The following LTA4H variants were observed in gnomAD, a reference collection of about 807,000 sequenced individuals.
LTA4H encodes the protein leukotriene A4 hydrolase.
Under a neutral mutation model 89.8 loss-of-function variants are expected in LTA4H, and 59 were observed. The ratio of observed to expected loss-of-function variants is 0.66; its 90% CI spans 0.53 to 0.82. LTA4H has a LOEUF of 0.82. Ranked by LOEUF, LTA4H falls within the 40% of genes least tolerant of loss-of-function variation. The probability of loss-of-function intolerance (pLI) is 0.00; values close to 1 mark genes in which losing one functional copy is unlikely to be tolerated. For synonymous variants in LTA4H, 227 were observed against 253.1 expected, an observed-to-expected ratio of 0.90 and a Z score of 0.98; for missense variants, 617 against 727.0, an observed-to-expected ratio of 0.85 and a Z score of 1.74.
intron 11 of LTA4H, chr12:96,015,309 C>T (rs559758757): frequency 2.0e-6 from 1 of 502,278 alleles, no homozygotes; most frequent in Non-Finnish European, 3.5e-6. Context: ...AAATGACATA[C>T]CAAATAAGAT....
rs1950417683 is a variant in LTA4H, at chr12:96,018,916, C to CAT, written c.712-15_712-14dup. 1.3e-6 allele frequency: 2 copies of CAT among 1,567,600 alleles called. No homozygotes were observed. Among genetic ancestry groups the CAT allele is most frequent in the African/African-American group, 1.4e-5 (1 of 72,838 alleles). On this transcript the variant is annotated splice_polypyrimidine_tract_variant and intron_variant, in intron 7 of 18. Coordinates refer to ENST00000228740, the MANE Select transcript of LTA4H (RefSeq NM_000895.3). ...GCATAGATTCAGTCTGAAAAATCAA[C>CAT]ATATATATGTCTGTATGCCTTAATT...
At chr12:96,036,276 A>G (rs1309640921), upstream of LTA4H, among the ~76,000 whole-genome samples, 1 of 152,206 alleles carries the variant, frequency 6.6e-6, no homozygotes, top group African/African-American at 2.4e-5. Flanking sequence ...CAATGGGAGT[A>G]CAGAGCTGGG....
intron 4 of LTA4H, among the ~76,000 whole-genome samples, chr12:96,023,239 A>G (rs1950474355): frequency 6.6e-6 from 1 of 152,224 alleles, no homozygotes; most frequent in Non-Finnish European, 1.5e-5. Context: ...AACCAGTGCT[A>G]CAACAATTGT....
At position 96,014,027 on chromosome 12, in the gene LTA4H, G is replaced by A. The variant is rs79542494; in HGVS notation, c.1205-174C>T. 3,635 of 512,316 alleles carry A rather than the reference G, an allele frequency of 7.1e-3. 21 individuals are homozygous for A. Among genetic ancestry groups the A allele is most frequent in the Non-Finnish European group, 9.5e-3 (2,775 of 290,610 alleles). 31.7% of individuals were successfully genotyped at this position (512,316 alleles called of 1,614,324 possible). ...GTTCAAAAAAGGAGGTGGGACTTAA[G>A]TTGGGCCTTGAAGAATATATGTAAT... On this transcript the variant is annotated intron_variant, in intron 12 of 18. Coordinates refer to ENST00000228740, the MANE Select transcript of LTA4H (RefSeq NM_000895.3).
intron 18 of LTA4H, among the ~76,000 whole-genome samples, chr12:96,001,696 T>C (rs1042453618): frequency 2.0e-5 from 3 of 152,054 alleles, no homozygotes; most frequent in African/African-American, 7.2e-5. Context: ...AATAAATACA[T>C]AATAAATAAT....
rs756980306 is a variant in LTA4H at position 96,043,395 on chromosome 12, G to T, written c.-20C>A. 5.5e-6 allele frequency: 8 copies of T among 1,451,672 alleles called. No individual in the cohort carries two copies. The South Asian group carries it at 7.3e-5, about 13-fold the overall frequency. 89.9% of individuals were successfully genotyped at this position (1,451,672 alleles called of 1,614,324 possible). Reference sequence around the variant, plus strand: ...CAGCATGGGAGACAGATTAGAGGAGGTGTAGACAGGAGGAGAGAAAATAAA... The same window carrying T: ...CAGCATGGGAGACAGATTAGAGGAGTTGTAGACAGGAGGAGAGAAAATAAA... On this transcript the variant is annotated 5_prime_UTR_variant, in exon 1 of 18. Transcript: ENST00000413268.
Position 96,003,882 on chromosome 12 carries a change from C to T in LTA4H, c.1569G>A (p.Glu523=), listed in dbSNP as rs748418908. 17 of 1,609,752 alleles carry T rather than the reference C, an allele frequency of 1.1e-5. No homozygotes were observed. The highest frequency in any genetic ancestry group is 1.4e-5 in the Non-Finnish European group (17 of 1,177,878). Residue 523 remains glutamate (E), a synonymous_variant, in exon 17 of 19, where the codon GAG becomes GAA. Coordinates refer to ENST00000228740, the MANE Select transcript of LTA4H (RefSeq NM_000895.3). The part of the protein sequence containing the change: ...LPLGHIKRMQ[E]VYNFNAINNS... ...TGTTAATGGCATTGAAGTTGTACAC[C>T]TCTTGCATTCGCTTTATGTGCCCCA...
rs565043482 is a variant in LTA4H at position 96,022,387 on chromosome 12, A to G, written c.481-136T>C. ...CTATGAACACAAAAAGTATATACATATACAAAAAGTATATATATACACACA... is the reference window on the plus strand; with the variant it reads ...CTATGAACACAAAAAGTATATACATGTACAAAAAGTATATATATACACACA... On this transcript the variant is annotated intron_variant, in intron 4 of 18. Coordinates refer to ENST00000228740, the MANE Select transcript of LTA4H (RefSeq NM_000895.3). The surrounding 1 kb of genome is among the most constrained non-coding windows in gnomAD (Gnocchi z 4.0). The G allele has an allele frequency of 1.7e-6, 1 of 602,810 alleles. No homozygotes were observed. The highest frequency in any genetic ancestry group is 2.9e-6 in the Non-Finnish European group (1 of 343,494). The allele number at this position is 602,810 out of a possible 1,614,324, so 37.3% of individuals were successfully genotyped here.
At position 96,014,780 on chromosome 12, in the gene LTA4H, A is replaced by G. The variant is rs182297321; in HGVS notation, c.1204+75T>C. ...TGGAAGTATTAAATGGAACAAAACA[A>G]TAGTTTACAATTCTTCCTAATTCTC... On this transcript the variant is annotated intron_variant, in intron 12 of 18. Transcript: ENST00000228740. 1.1e-3 allele frequency: 1,476 copies of G among 1,363,760 alleles called. 16 individuals carry two copies. In the African/African-American group the frequency reaches 0.017, roughly 16 times the overall value. 84.5% of individuals were successfully genotyped at this position (1,363,760 alleles called of 1,614,324 possible).
At chr12:96,020,963 T>G in intron 6 of LTA4H, 122 bp downstream of exon 6, 2 of 746,490 alleles carry the variant, frequency 2.7e-6, no homozygotes, top group Non-Finnish European at 4.5e-6. Context: ...TGAATTTTTC[T>G]AGAGCTGTCA....
chr12:96,029,760 G>A lies in LTA4H; in HGVS notation c.160-575C>T, dbSNP rs139812861. 2.7e-4 allele frequency among the ~76,000 whole-genome samples: 41 copies of A among 152,260 alleles called. No individual in the cohort carries two copies. In the East Asian group the frequency reaches 7.0e-3, roughly 26 times the overall value. Reference sequence around the variant, plus strand: ...ACAACTGCTTTGGGCATGAAGGAGTGACATCAAGTGTCAGAGTATTTTCTA... The same window carrying A: ...ACAACTGCTTTGGGCATGAAGGAGTAACATCAAGTGTCAGAGTATTTTCTA... On this transcript the variant is annotated intron_variant, in intron 1 of 18. Coordinates refer to ENST00000228740, the MANE Select transcript of LTA4H (RefSeq NM_000895.3).
chr12:96,028,220 G>C (rs1383793889), intron 2 of LTA4H, among the ~76,000 whole-genome samples: 1 of 152,172 alleles, frequency 6.6e-6, no homozygotes, highest in Non-Finnish European at 1.5e-5. Context: ...GAGGTTTAGA[G>C]ACCAGCAGCC....
chr12:96,017,823 T>A (rs999604688), intron 8 of LTA4H, among the ~76,000 whole-genome samples: 1 of 152,234 alleles, frequency 6.6e-6, no homozygotes, highest in Non-Finnish European at 1.5e-5. Context: ...AGCCAGTCTA[T>A]TTGTGTCTAA....
chr12:96,009,891 G>C (rs898214518), intron 14 of LTA4H: 3 of 152,198 alleles, frequency 2.0e-5, no homozygotes, highest in African/African-American at 4.8e-5. Flanking sequence ...AATGAAGTAA[G>C]TTTTGATTAG....
intron 6 of LTA4H, among the ~76,000 whole-genome samples, chr12:96,019,585 AT>A (rs755971682): frequency 0.051 from 5,060 of 99,320 alleles, 28 homozygotes; most frequent in African/African-American, 0.068. Context: ...ATAAGAAACT[AT>A]TTTTTTTTTT....
intron 18 of LTA4H, among the ~76,000 whole-genome samples, chr12:96,002,250 T>C (rs1950116985): frequency 6.6e-6 from 1 of 152,222 alleles, no homozygotes; most frequent in Non-Finnish European, 1.5e-5. Context: ...TAAAATATAC[T>C]TAAAACTTAA....
At chr12:96,035,748 C>A, upstream of LTA4H, 1 of 1,132,628 alleles carries the variant, frequency 8.8e-7, no homozygotes, top group South Asian at 2.0e-5. Flanking sequence ...TACCTGGGAG[C>A]GTGTGTGTTA....
At chr12:96,041,186 A>G (rs1012719160) in intron 1 of LTA4H, among the ~76,000 whole-genome samples, 5 of 152,062 alleles carry the variant, frequency 3.3e-5, no homozygotes, top group Non-Finnish European at 7.4e-5. Flanking sequence ...TTATATTTGT[A>G]TGCTTTTATG....
intron 18 of LTA4H, among the ~76,000 whole-genome samples, chr12:96,002,713 TA>T (rs1950124787): frequency 6.6e-6 from 1 of 152,246 alleles, no homozygotes; most frequent in South Asian, 2.1e-4. Flanking sequence ...ATCTTTGATT[TA>T]TTTCTATTTT....
Sources: allele counts gnomAD v4.1 joint callset (sites outside exome capture counted in the v4.1 genomes callset), GRCh38; gene constraint gnomAD v4.1.1; non-coding constraint Gnocchi (gnomAD v3.1); transcripts MANE v1.5; gene names NCBI Gene and HGNC (gene_info 2026-07-23, HGNC 2026-07-21).